The following SPTB variants were observed in gnomAD, a reference collection of about 807,000 sequenced individuals.
The protein encoded by SPTB is spectrin beta, erythrocytic.
SPTB carries 45 observed loss-of-function variants against 256.2 expected under a neutral mutation model. The observed-to-expected ratio is 0.18, with a 90% confidence interval of 0.14 to 0.23. The LOEUF (loss-of-function observed/expected upper bound fraction) is 0.23. SPTB is among the 10% of genes least tolerant of loss of function. The pLI is 1.00. For missense variants in SPTB, 2,715 were observed against 3,040.4 expected (o/e 0.89, Z 2.52); for synonymous variants, 1,231 against 1,243.1 (o/e 0.99, Z 0.21).
chr14:64,800,992 A>G, intron 7 of SPTB, 124 bp from the exon 8 acceptor site: 2 of 773,416 alleles, frequency 2.6e-6, no homozygotes, highest in South Asian at 1.5e-5. Context: ...CAACCAACAG[A>G]GCAAGAATGG....
In SPTB at chr14:64,827,115, T is replaced by C. The variant is rs1594819641; in HGVS notation, c.-51-3970A>G. Among the ~76,000 whole-genome samples, 1 of 152,112 alleles carries C rather than the reference T, an allele frequency of 6.6e-6. No individual in the cohort carries two copies. Among genetic ancestry groups the C allele is most frequent in the Admixed American group, 6.6e-5 (1 of 15,260 alleles). ...GAGAAAGCAGTGGTAGCAGCTCCTC[T>C]CCCAGCCTGCAGGGTGCTGACGGAG... On this transcript the variant is annotated intron_variant, in intron 1 of 35. Coordinates refer to ENST00000644917, the MANE Select transcript of SPTB (RefSeq NM_001355436.2). This position sits in a 1 kb window ranked among gnomAD's most constrained non-coding sequence, Gnocchi z 4.6.
At chr14:64,861,310 A>AT (rs11380270) in intron 1 of SPTB, among the ~76,000 whole-genome samples, 2,826 of 151,932 alleles carry the variant, frequency 0.019, 104 homozygotes, top group African/African-American at 0.064. Flanking sequence ...CATGTATCCC[A>AT]TTTTTTTTAG....
chr14:64,768,019 C>G, intron 29 of SPTB, 160 bp from the exon 30 acceptor site: 4 of 758,832 alleles, frequency 5.3e-6, no homozygotes, highest in Admixed American at 2.1e-5. Context: ...CCATTCCACA[C>G]TGGGCCCCTA....
intron 1 of SPTB, among the ~76,000 whole-genome samples, chr14:64,846,461 T>C (rs928981407): frequency 6.6e-5 from 10 of 152,346 alleles, no homozygotes; most frequent in African/African-American, 2.4e-4. Flanking sequence ...AGAGAGCACC[T>C]AGGTGCCTGA....
rs1438093223 is a variant in SPTB, at chr14:64,824,120, G to A, written c.-51-975C>T. On this transcript the variant is annotated intron_variant, in intron 1 of 35. Transcript: ENST00000644917. The surrounding 1 kb of genome is among the most constrained non-coding windows in gnomAD (Gnocchi z 5.7). ...CATGTCCTCACAGAGCTTGGAATCTGGTGGCAGAGACACACAATTAAACAA... is the reference window on the plus strand; with the variant it reads ...CATGTCCTCACAGAGCTTGGAATCTAGTGGCAGAGACACACAATTAAACAA... Among the ~76,000 whole-genome samples the A allele has an allele frequency of 2.0e-5, 3 of 152,184 alleles. No individual in the cohort carries two copies. Among genetic ancestry groups the A allele is most frequent in the Non-Finnish European group, 4.4e-5 (3 of 68,040 alleles).
intron 2 of SPTB, among the ~76,000 whole-genome samples, chr14:64,820,703 C>T (rs1329496553): frequency 6.6e-6 from 1 of 152,164 alleles, no homozygotes; most frequent in Non-Finnish European, 1.5e-5. Flanking sequence ...CAGAGTCTTG[C>T]TCTGTCACCC....
At chr14:64,859,968 T>G (rs1267899062) in intron 1 of SPTB, among the ~76,000 whole-genome samples, 1 of 152,110 alleles carries the variant, frequency 6.6e-6, no homozygotes, top group East Asian at 1.9e-4. Flanking sequence ...TCCCACCACA[T>G]CTCAATGAGA....
chr14:64,758,714 G>C lies in SPTB; in HGVS notation c.6346-4921C>G, dbSNP rs139307638. Reference sequence around the variant, plus strand: ...CTCTTGGGGTTCCCATCTGCCCAGGGAAAGTGCACAAACAGCAGAGAGCAA... The same window carrying C: ...CTCTTGGGGTTCCCATCTGCCCAGGCAAAGTGCACAAACAGCAGAGAGCAA... On this transcript the variant is annotated intron_variant, in intron 32 of 35. Coordinates refer to ENST00000644917, the MANE Select transcript of SPTB (RefSeq NM_001355436.2). This position sits in a 1 kb window ranked among gnomAD's most constrained non-coding sequence, Gnocchi z 4.6. Among the ~76,000 whole-genome samples, 85 of 152,356 alleles carry C rather than the reference G, an allele frequency of 5.6e-4. No homozygotes were observed. Among genetic ancestry groups the C allele is most frequent in the African/African-American group, 1.9e-3 (77 of 41,582 alleles).
intron 1 of SPTB, among the ~76,000 whole-genome samples, chr14:64,870,263 G>A (rs1271334349): frequency 6.6e-6 from 1 of 151,542 alleles, no homozygotes; most frequent in Non-Finnish European, 1.5e-5. Context: ...AAAATTTTAA[G>A]GATAATAATA....
At position 64,773,250 on chromosome 14, in the gene SPTB, C is replaced by T. The variant is rs539974597; in HGVS notation, c.5148G>A (p.Pro1716=). The change falls in exon 25 of 36, where the codon CCG becomes CCA. Residue 1716 remains proline (P), a synonymous_variant. Transcript: ENST00000644917. ...ISEKELVASS[P]EMGQDFDHVT... is the part of the protein sequence containing the mutation. ...CGTGGTCAAAGTCTTGCCCCATTTC[C>T]GGGGAAGAGGCCACTAGCTCCTTTT... 2.4e-5 allele frequency: 39 copies of T among 1,614,238 alleles called. 1 individual carries two copies. Among genetic ancestry groups the T allele is most frequent in the Middle Eastern group, 3.3e-4 (2 of 6,062 alleles).
At chr14:64,753,920 C>T in intron 32 of SPTB, 127 bp from the exon 33 acceptor site, 1 of 1,282,694 alleles carries the variant, frequency 7.8e-7, no homozygotes, top group South Asian at 1.3e-5. Context: ...TTTCTACTCC[C>T]ACCTCCTGGC....
rs534375750 is a variant in SPTB at position 64,758,369 on chromosome 14, G to A, written c.6346-4576C>T. 6.6e-6 allele frequency among the ~76,000 whole-genome samples: 1 copy of A among 152,378 alleles called. No homozygotes were observed. Among genetic ancestry groups the A allele is most frequent in the African/African-American group, 2.4e-5 (1 of 41,596 alleles). On this transcript the variant is annotated intron_variant, in intron 32 of 35. Transcript: ENST00000644917. This position sits in a 1 kb window ranked among gnomAD's most constrained non-coding sequence, Gnocchi z 4.6. ...TTCTGAGGCTTGAGACAGGAAGGGA[G>A]AAGCCATGTGAACAGGTAAGCAGTG...
At chr14:64,769,497 C>G (rs2082245392) in intron 28 of SPTB, 93 bp downstream of exon 28, 4 of 1,525,614 alleles carry the variant, frequency 2.6e-6, no homozygotes, top group Admixed American at 3.7e-5. Context: ...CTCAGAAAAG[C>G]TGCAGCTCTC....
chr14:64,787,150 A>G lies in SPTB; in HGVS notation c.2815T>C (p.Phe939Leu). 1 of 1,605,362 alleles carries G rather than the reference A, an allele frequency of 6.2e-7. No individual in the cohort carries two copies. The highest frequency in any genetic ancestry group is 8.5e-7 in the Non-Finnish European group (1 of 1,179,962). Reference protein sequence around the residue: ...QDHLNTRWQAFQTLVSERREA... With the variant: ...QDHLNTRWQALQTLVSERREA... ...CGCCGCTCCGACACCAGGGTCTGAA[A>G]TGCCTGCCACCTGCCGGATGGGGAC... is the stretch of plus-strand genomic sequence containing the variant. The change falls in exon 16 of 36, where the codon TTT becomes CTT. Residue 939 changes from phenylalanine to leucine, a missense_variant. Phe to Leu is a conservative substitution (Grantham distance 22). Transcript: ENST00000644917.
rs12433745 is a variant in SPTB at position 64,774,065 on chromosome 14, A to C, written c.4973+332T>G. The stretch of plus-strand genomic sequence containing the variant: ...GTCCTGGAGACCTTCTGGACCATAA[A>C]AATAAAAGCTAAAGTAGTCTTCAGT... On this transcript the variant is annotated intron_variant, in intron 24 of 35. Transcript: ENST00000644917. Among the ~76,000 whole-genome samples the C allele has an allele frequency of 1.5e-3, 221 of 152,326 alleles. 1 individual carries two copies. In the East Asian group the frequency reaches 0.016, roughly 11 times the overall value.
At position 64,795,657 on chromosome 14, in the gene SPTB, A is replaced by T; in HGVS notation, c.1342-18T>A. 6.2e-7 allele frequency: 1 copy of T among 1,613,560 alleles called. No homozygotes were observed. Among genetic ancestry groups the T allele is most frequent in the East Asian group, 2.2e-5 (1 of 44,868 alleles). On this transcript the variant is annotated intron_variant, in intron 11 of 35. Transcript: ENST00000644917. This position sits in a 1 kb window ranked among gnomAD's most constrained non-coding sequence, Gnocchi z 6.5. ...AAGTTATCCTGCCCCACCGGGAGAA[A>T]AACAGGCAGCTCAGTCAGACACCCA...
intron 1 of SPTB, among the ~76,000 whole-genome samples, chr14:64,861,854 C>T (rs1342066376): frequency 1.3e-5 from 2 of 152,246 alleles, no homozygotes; most frequent in East Asian, 3.8e-4. Context: ...CGACGTTAGA[C>T]ACGATTAACC....
chr14:64,870,173 G>T (rs1296994539), intron 1 of SPTB, among the ~76,000 whole-genome samples: 1 of 152,092 alleles, frequency 6.6e-6, no homozygotes, highest in African/African-American at 2.4e-5. Flanking sequence ...GCTACCCCAG[G>T]ACCTGGTAAG....
At chr14:64,832,735 C>T (rs1250914740) in intron 1 of SPTB, among the ~76,000 whole-genome samples, 4 of 152,168 alleles carry the variant, frequency 2.6e-5, no homozygotes, top group Non-Finnish European at 4.4e-5. Flanking sequence ...AAACCAAAAC[C>T]TCAGATCATG....
Sources: allele counts gnomAD v4.1 joint callset (sites outside exome capture counted in the v4.1 genomes callset), GRCh38; gene constraint gnomAD v4.1.1; non-coding constraint Gnocchi (gnomAD v3.1); transcripts MANE v1.5; gene names NCBI Gene and HGNC (gene_info 2026-07-23, HGNC 2026-07-21).